The following NCF2 variants were observed in gnomAD, a reference collection of about 807,000 sequenced individuals.
The protein encoded by NCF2 is neutrophil cytosol factor 2.
A neutral mutation model predicts 70.9 loss-of-function variants in NCF2; 45 were observed. That is an observed-to-expected ratio of 0.63 (90% CI 0.50 to 0.81). The LOEUF is 0.81. Among genes scored for constraint, NCF2 ranks in the 40% least tolerant of loss-of-function variants. The pLI is 0.00. For synonymous variants in NCF2, 203 were observed against 233.6 expected (o/e 0.87, Z 1.19); for missense variants, 522 against 631.6 (o/e 0.83, Z 1.86).
intron 2 of NCF2, among the ~76,000 whole-genome samples, chr1:183,581,549 G>A (rs1192351726): frequency 8.6e-5 from 13 of 151,654 alleles, no homozygotes; most frequent in Admixed American, 8.5e-4. Flanking sequence ...GGCTGGTCTC[G>A]AACTCCTGGG....
intron 3 of NCF2, 52 bp downstream of exon 3, chr1:183,577,547 A>G (rs900591001): frequency 2.6e-5 from 37 of 1,405,030 alleles, no homozygotes; most frequent in Non-Finnish European, 3.6e-5. Context: ...ACTGTCAGCC[A>G]TCCATCCAGC....
the NCF2 span, among the ~76,000 whole-genome samples, chr1:183,597,158 A>G: frequency 2.0e-5 from 3 of 152,190 alleles, no homozygotes; most frequent in African/African-American, 4.8e-5. Context: ...TTTTGGATGC[A>G]GTTGGCCTTT....
the NCF2 span, among the ~76,000 whole-genome samples, chr1:183,599,426 C>CTTTCTT: frequency 4.0e-5 from 3 of 75,494 alleles, no homozygotes; most frequent in African/African-American, 1.4e-4. Context: ...TTCTTTCCTT[C>CTTTCTT]TTTCTTTCTT....
At chr1:183,574,662 C>A (rs369737178) in intron 3 of NCF2, 41 bp from the exon 4 acceptor site, 159 of 1,611,990 alleles carry the variant, frequency 9.9e-5, no homozygotes, top group Non-Finnish European at 1.3e-4. Context: ...TGAGACTACT[C>A]CAAATCAAGG....
chr1:183,601,410 G>T, the NCF2 span, among the ~76,000 whole-genome samples: 46,305 of 152,028 alleles, frequency 0.3, 7,440 homozygotes, highest in Middle Eastern at 0.38. Context: ...CATTTCACAC[G>T]TCTGTAAACA....
Position 183,578,216 on chromosome 1 carries a change from G to C in NCF2, c.258-509C>G, listed in dbSNP as rs368553359. Among the ~76,000 whole-genome samples, 78 of 152,150 alleles carry C rather than the reference G, an allele frequency of 5.1e-4. No homozygotes were observed. In the South Asian group the frequency reaches 7.7e-3, roughly 15 times the overall value. ...CATCACCCTCCTGCCCACTGCCTTC[G>C]CCCATGGCTTCTTTTGAGTTCAACT... is the stretch of plus-strand genomic sequence containing the variant. On this transcript the variant is annotated intron_variant, in intron 2 of 14. Coordinates refer to ENST00000367535, the MANE Select transcript of NCF2 (RefSeq NM_000433.4).
chr1:183,598,541 A>G, the NCF2 span, among the ~76,000 whole-genome samples: 18,473 of 151,984 alleles, frequency 0.12, 1,342 homozygotes, highest in African/African-American at 0.2. Context: ...TCAAAGGCAG[A>G]GTATAAGGAA....
At chr1:183,565,653 C>T (rs1672266738) in intron 10 of NCF2, 51 bp downstream of exon 10, 2 of 1,563,228 alleles carry the variant, frequency 1.3e-6, no homozygotes, top group Admixed American at 1.7e-5. Context: ...CAGGAAGCAG[C>T]CTGGCATGCT....
At chr1:183,560,043 C>A in intron 14 of NCF2, 53 bp downstream of exon 14, 1 of 1,570,806 alleles carries the variant, frequency 6.4e-7, no homozygotes, top group South Asian at 1.1e-5. Context: ...TGCCCTTGAC[C>A]TTGTTTCTGC....
rs1436515944 is a variant in NCF2 at position 183,563,311 on chromosome 1, G to T, written c.1179-5C>A. 1 of 1,614,022 alleles carries T rather than the reference G, an allele frequency of 6.2e-7. No individual in the cohort carries two copies. The highest frequency in any genetic ancestry group is 1.1e-5 in the South Asian group (1 of 91,084). ...TTGCTGTCCCGAGGCCGATAGCTGG[G>T]TGGGGATAATGAGTAAGAATCCAGT... On this transcript the variant is annotated splice_region_variant and splice_polypyrimidine_tract_variant and intron_variant, in intron 12 of 14. Coordinates refer to ENST00000367535, the MANE Select transcript of NCF2 (RefSeq NM_000433.4).
At chr1:183,556,936 C>A (rs558599546) in intron 14 of NCF2, among the ~76,000 whole-genome samples, 1 of 152,264 alleles carries the variant, frequency 6.6e-6, no homozygotes, top group Admixed American at 6.5e-5. Context: ...AATGAAAGTT[C>A]TTTAGTAAAC....
At chr1:183,562,662 G>A (rs538231551) in intron 13 of NCF2, among the ~76,000 whole-genome samples, 12 of 152,050 alleles carry the variant, frequency 7.9e-5, no homozygotes, top group African/African-American at 2.2e-4. Context: ...GTGAAACCCC[G>A]TCTCTACTAA....
intron 2 of NCF2, among the ~76,000 whole-genome samples, chr1:183,578,928 G>A (rs2102915403): frequency 6.6e-6 from 1 of 152,342 alleles, no homozygotes; most frequent in East Asian, 1.9e-4. Flanking sequence ...GGGAGCAGCA[G>A]GCATAAGCTA....
In NCF2 at chr1:183,590,234, G is replaced by T. The variant is rs769744791; in HGVS notation, c.96C>A (p.Val32=). The change falls in exon 1 of 15, where the codon GTC becomes GTA. Residue 32 remains valine, a synonymous_variant. Coordinates refer to ENST00000367535, the MANE Select transcript of NCF2 (RefSeq NM_000433.4). ...WKGALDAFSA[V]QDPHSRICFN... is the part of the protein sequence containing the mutation. ...AGCAAATCCGGGAGTGGGGGTCCTG[G>T]ACGGCACTGAAGGCATCCAGGGCTC... 6.2e-7 allele frequency: 1 copy of T among 1,614,176 alleles called. No individual in the cohort carries two copies. The highest frequency in any genetic ancestry group is 1.7e-5 in the Admixed American group (1 of 60,026).
At chr1:183,564,640 A>C (rs1672225056) in intron 10 of NCF2, among the ~76,000 whole-genome samples, 1 of 152,180 alleles carries the variant, frequency 6.6e-6, no homozygotes, top group Non-Finnish European at 1.5e-5. Flanking sequence ...GCCCCATTCC[A>C]GTCCTAAAAT....
At position 183,560,927 on chromosome 1, in the gene NCF2, G is replaced by T. The variant is rs75143113; in HGVS notation, c.1291-654C>A. 1.4e-4 allele frequency among the ~76,000 whole-genome samples: 21 copies of T among 152,312 alleles called. No individual in the cohort carries two copies. The East Asian group carries it at 4.1e-3, about 29-fold the overall frequency. On this transcript the variant is annotated intron_variant, in intron 13 of 14. Transcript: ENST00000367535. ...GGCTTTCTTAGCATCAACTCTAACA[G>T]CAACACTAGGGACCTTGTTAGAAAT...
intron 2 of NCF2, among the ~76,000 whole-genome samples, chr1:183,578,521 C>T (rs754356147): frequency 5.3e-5 from 8 of 152,064 alleles, no homozygotes; most frequent in African/African-American, 1.7e-4. Flanking sequence ...AGCGCCACCA[C>T]GCCCGGCTAA....
At chr1:183,585,860 C>G (rs1673325707) in intron 2 of NCF2, among the ~76,000 whole-genome samples, 1 of 152,114 alleles carries the variant, frequency 6.6e-6, no homozygotes, top group African/African-American at 2.4e-5. Flanking sequence ...ACTAATTATT[C>G]CATGTTGACT....
chr1:183,557,711 G>A (rs1477142953), intron 14 of NCF2, among the ~76,000 whole-genome samples: 2 of 152,166 alleles, frequency 1.3e-5, no homozygotes, highest in African/African-American at 4.8e-5. Context: ...TTGTTTTAGT[G>A]TGTTCTTTCA....
Sources: allele counts gnomAD v4.1 joint callset (sites outside exome capture counted in the v4.1 genomes callset), GRCh38; gene constraint gnomAD v4.1.1; transcripts MANE v1.5; gene names NCBI Gene and HGNC (gene_info 2026-07-23, HGNC 2026-07-21).